ZNF572: variants seen among roughly 807,000 people sequenced by gnomAD.
ZNF572 encodes the protein zinc finger protein 572.
A neutral mutation model predicts 3.8 loss-of-function variants in ZNF572; 2 were observed. That is an observed-to-expected ratio of 0.52 (90% CI 0.21 to 1.65). The LOEUF (loss-of-function observed/expected upper bound fraction) is 1.65, where lower values mean the gene tolerates loss of function less well. ZNF572 is among the 40% of genes most tolerant of loss of function. The pLI, the probability that ZNF572 is intolerant of heterozygous loss-of-function variation, is 0.20. For synonymous variants in ZNF572, 187 were observed against 204.5 expected, an observed-to-expected ratio of 0.91 and a Z score of 0.73; for missense variants, 581 against 633.4, an observed-to-expected ratio of 0.92 and a Z score of 0.89.
In ZNF572 at chr8:124,976,894, C is replaced by T. The variant is rs767264364; in HGVS notation, c.626C>T (p.Thr209Ile). Residue 209 changes from threonine (T) to isoleucine (I), a missense_variant, in exon 3 of 3, where the codon ACT becomes ATT. Transcript: ENST00000319286. ...NTSHLIIHER[T>I]HTGEKPYKCP... Reference sequence around the variant, plus strand: ...TCCCATCTTATTATCCATGAGAGAACTCACACGGGAGAGAAACCCTACAAA... The same window carrying T: ...TCCCATCTTATTATCCATGAGAGAATTCACACGGGAGAGAAACCCTACAAA... The T allele has an allele frequency of 4.3e-6, 7 of 1,613,624 alleles. No individual in the cohort carries two copies. The Admixed American group carries it at 6.7e-5, about 15-fold the overall frequency.
chr8:124,975,674 T>C lies in ZNF572; in HGVS notation c.34T>C (p.Ser12Pro), dbSNP rs764519431. ...AGAAAAAAAACTGTTGGTCTCAGAT[T>C]CTAACAGCTTTATGGAGAGGGAGAG... ...EQEKKLLVSD[S>P]NSFMERESLK... Residue 12 changes from serine to proline, a missense_variant, in exon 2 of 3, where the codon TCT (serine) becomes CCT (proline). Physicochemically the swap from Ser to Pro is moderately conservative, Grantham distance 74. Coordinates refer to ENST00000319286, the MANE Select transcript of ZNF572 (RefSeq NM_152412.3). The C allele has an allele frequency of 1.9e-6, 3 of 1,613,988 alleles. No individual in the cohort carries two copies. Among genetic ancestry groups the C allele is most frequent in the East Asian group, 4.5e-5 (2 of 44,836 alleles).
At position 124,977,385 on chromosome 8, in the gene ZNF572, G is replaced by A. The variant is rs765989836; in HGVS notation, c.1117G>A (p.Glu373Lys). 1.2e-6 allele frequency: 2 copies of A among 1,614,204 alleles called. No individual in the cohort carries two copies. Among genetic ancestry groups the A allele is most frequent in the African/African-American group, 1.3e-5 (1 of 75,066 alleles). The part of the protein sequence containing the change: ...ESLGQNCNVI[E>K]ECRIQLGEKP... ...TTTGGGTCAGAACTGCAATGTGATA[G>A]AAGAATGCAGAATCCAGTTAGGAGA... Residue 373 changes from glutamate to lysine, a missense_variant, in exon 3 of 3, where the codon GAA (glutamate) becomes AAA (lysine). By Grantham distance (56) the Glu-to-Lys change is moderately conservative. Coordinates refer to ENST00000319286, the MANE Select transcript of ZNF572 (RefSeq NM_152412.3).
Position 124,976,416 on chromosome 8 carries a change from A to G in ZNF572, c.148A>G (p.Lys50Glu). 1.2e-6 allele frequency: 2 copies of G among 1,612,718 alleles called. No homozygotes were observed. Among genetic ancestry groups the G allele is most frequent in the Non-Finnish European group, 1.7e-6 (2 of 1,179,524 alleles). The part of the protein sequence containing the change: ...NNSKADKLKE[K>E]PSEWSKRHRP... ...TTCTAAGGCAGATAAACTTAAAGAG[A>G]AACCTTCAGAATGGTCTAAAAGACA... The change falls in exon 3 of 3, where the codon AAA becomes GAA. Residue 50 changes from lysine to glutamate, a missense_variant. By Grantham distance (56) the Lys-to-Glu change is moderately conservative. Coordinates refer to ENST00000319286, the MANE Select transcript of ZNF572 (RefSeq NM_152412.3).
chr8:124,976,703 T>TC lies in ZNF572; in HGVS notation c.436dup (p.His146ProfsTer16). On this transcript the variant is annotated frameshift_variant, in exon 3 of 3. Transcript: ENST00000319286. LOFTEE classifies it low-confidence loss of function (END_TRUNC). ...GTTGGAAAAGCTTCAGTAATAGTTC[T>TC]CATTTGCGTACTCACCAGAGGACCC... is the stretch of plus-strand genomic sequence containing the variant. 6.2e-7 allele frequency: 1 copy of TC among 1,614,200 alleles called. No homozygotes were observed. Among genetic ancestry groups the TC allele is most frequent in the Non-Finnish European group, 8.5e-7 (1 of 1,180,014 alleles).
rs755795239 is a variant in ZNF572 at position 124,977,383 on chromosome 8, T to C, written c.1115T>C (p.Ile372Thr). 1.9e-6 allele frequency: 3 copies of C among 1,614,164 alleles called. No individual in the cohort carries two copies. In the Admixed American group the frequency reaches 5.0e-5, roughly 27 times the overall value. ...AGTTTGGGTCAGAACTGCAATGTGA[T>C]AGAAGAATGCAGAATCCAGTTAGGA... ...EESLGQNCNV[I>T]EECRIQLGEK... Residue 372 changes from isoleucine (I) to threonine (T), a missense_variant, in exon 3 of 3, where the codon ATA (isoleucine) becomes ACA (threonine). Coordinates refer to ENST00000319286, the MANE Select transcript of ZNF572 (RefSeq NM_152412.3).
In ZNF572 at chr8:124,978,337, C is replaced by G. The variant is rs1348653186; in HGVS notation, c.*479C>G. ...TTTTTTTTTCAAATGCATTTTTAGT[C>G]ACTAAAAATTAACTGTCGTACCATC... On this transcript the variant is annotated 3_prime_UTR_variant, in exon 3 of 3. Transcript: ENST00000319286. 6.4e-6 allele frequency: 1 copy of G among 156,032 alleles called. No homozygotes were observed. The highest frequency in any genetic ancestry group is 6.3e-5 in the Admixed American group (1 of 15,954). 9.7% of individuals were successfully genotyped at this position (156,032 alleles called of 1,614,324 possible).
At position 124,978,010 on chromosome 8, in the gene ZNF572, C is replaced by A; in HGVS notation, c.*152C>A. ...TCCCAGTTTAAAGGATGGGAAGACC[C>A]CAATCACCAGGTTATTGGATCTGTC... is the stretch of plus-strand genomic sequence containing the variant. On this transcript the variant is annotated 3_prime_UTR_variant, in exon 3 of 3. Transcript: ENST00000319286. 1 of 787,196 alleles carries A rather than the reference C, an allele frequency of 1.3e-6. No individual in the cohort carries two copies. The highest frequency in any genetic ancestry group is 1.9e-6 in the Non-Finnish European group (1 of 514,654). 48.8% of individuals were successfully genotyped at this position (787,196 alleles called of 1,614,324 possible). A position where few individuals can be genotyped will look rare whatever the true frequency, so the allele number is the denominator to read the frequency against.
Position 124,977,152 on chromosome 8 carries a change from C to A in ZNF572, c.884C>A (p.Thr295Lys). The part of the protein sequence containing the change: ...SSLIRHQRTH[T>K]GEKPYKCLEC... Reference sequence around the variant, plus strand: ...CTCATTCGCCACCAGCGGACACACACAGGTGAGAAGCCCTACAAATGTCTT... The same window carrying A: ...CTCATTCGCCACCAGCGGACACACAAAGGTGAGAAGCCCTACAAATGTCTT... Residue 295 changes from threonine to lysine, a missense_variant, in exon 3 of 3, where the codon ACA becomes AAA. Transcript: ENST00000319286. The A allele has an allele frequency of 1.9e-6, 3 of 1,609,218 alleles. No homozygotes were observed. Among genetic ancestry groups the A allele is most frequent in the Non-Finnish European group, 2.5e-6 (3 of 1,179,996 alleles).
chr8:124,977,923 G>A lies in ZNF572; in HGVS notation c.*65G>A, dbSNP rs184178292. ...TGGACCATGACAATTTAGGTATTCT[G>A]TGATTGTTGTGCTATAAAGTTTCTT... On this transcript the variant is annotated 3_prime_UTR_variant, in exon 3 of 3. Coordinates refer to ENST00000319286, the MANE Select transcript of ZNF572 (RefSeq NM_152412.3). 48 of 1,470,442 alleles carry A rather than the reference G, an allele frequency of 3.3e-5. No homozygotes were observed. In the East Asian group the frequency reaches 1.1e-3, roughly 33 times the overall value. The allele number at this position is 1,470,442 out of a possible 1,614,324, so 91.1% of individuals were successfully genotyped here.
Position 124,976,371 on chromosome 8 carries a change from G to A in ZNF572, c.103G>A (p.Glu35Lys). The A allele has an allele frequency of 6.3e-7, 1 of 1,589,830 alleles. No homozygotes were observed. Among genetic ancestry groups the A allele is most frequent in the South Asian group, 1.2e-5 (1 of 86,928 alleles). The change falls in exon 3 of 3, where the codon GAA becomes AAA. Residue 35 changes from glutamate to lysine, a missense_variant. Transcript: ENST00000319286. Reference protein sequence around the residue: ...FTGDTSMNNLETVHHNNSKAD... With the variant: ...FTGDTSMNNLKTVHHNNSKAD... ...AGGAGATACAAGTATGAATAATTTGGAAACTGTTCACCACAATAATTCTAA... is the reference window on the plus strand; with the variant it reads ...AGGAGATACAAGTATGAATAATTTGAAAACTGTTCACCACAATAATTCTAA...
chr8:124,977,566 C>T lies in ZNF572; in HGVS notation c.1298C>T (p.Thr433Ile). 1 of 1,614,166 alleles carries T rather than the reference C, an allele frequency of 6.2e-7. No individual in the cohort carries two copies. Among genetic ancestry groups the T allele is most frequent in the Non-Finnish European group, 8.5e-7 (1 of 1,180,034 alleles). Residue 433 changes from threonine to isoleucine, a missense_variant, in exon 3 of 3, where the codon ACA becomes ATA. Thr to Ile is a moderately conservative substitution (Grantham distance 89). Coordinates refer to ENST00000319286, the MANE Select transcript of ZNF572 (RefSeq NM_152412.3). ...TCCACCCTGGTGATTCACCAAAGGA[C>T]ACATACAGGAGAGAAACCTTATAAA... ...QSSTLVIHQRTHTGEKPYKCP... is the reference protein window; with the variant it reads ...QSSTLVIHQRIHTGEKPYKCP...
chr8:124,977,978 G>A lies in ZNF572; in HGVS notation c.*120G>A, dbSNP rs1470159108. 8.7e-7 allele frequency: 1 copy of A among 1,151,516 alleles called. No homozygotes were observed. Among genetic ancestry groups the A allele is most frequent in the African/African-American group, 1.6e-5 (1 of 64,148 alleles). 71.3% of individuals were successfully genotyped at this position (1,151,516 alleles called of 1,614,324 possible). ...GTGTTTGTCAAAACATTTGGAAAAA[G>A]TCAACCTCCCAGTTTAAAGGATGGG... On this transcript the variant is annotated 3_prime_UTR_variant, in exon 3 of 3. Coordinates refer to ENST00000319286, the MANE Select transcript of ZNF572 (RefSeq NM_152412.3).
chr8:124,977,651 C>G lies in ZNF572; in HGVS notation c.1383C>G (p.Thr461=), dbSNP rs376593608. 5.0e-6 allele frequency: 8 copies of G among 1,614,150 alleles called. No individual in the cohort carries two copies. In the African/African-American group the frequency reaches 8.0e-5, roughly 16 times the overall value. ...TTAACCTTATCAGGCACCGGAGGACCCACATAGGGGAAAAACCTTACAAAT... is the reference window on the plus strand; with the variant it reads ...TTAACCTTATCAGGCACCGGAGGACGCACATAGGGGAAAAACCTTACAAAT... ...QSFNLIRHRR[T]HIGEKPYKCT... is the part of the protein sequence containing the mutation. Residue 461 remains threonine, a synonymous_variant, in exon 3 of 3, where the codon ACC becomes ACG. Transcript: ENST00000319286.
rs1260450642 is a variant in ZNF572, at chr8:124,978,037, A to G, written c.*179A>G. ...AATCACCAGGTTATTGGATCTGTCC[A>G]GTGAGAGATTCATCCACCAAGGATG... is the stretch of plus-strand genomic sequence containing the variant. On this transcript the variant is annotated 3_prime_UTR_variant, in exon 3 of 3. Coordinates refer to ENST00000319286, the MANE Select transcript of ZNF572 (RefSeq NM_152412.3). 4.9e-6 allele frequency: 3 copies of G among 609,316 alleles called. No individual in the cohort carries two copies. In the African/African-American group the frequency reaches 5.6e-5, roughly 11 times the overall value. The allele number at this position is 609,316 out of a possible 1,614,324, so 37.7% of individuals were successfully genotyped here.
chr8:124,978,020 G>T lies in ZNF572; in HGVS notation c.*162G>T, dbSNP rs566017006. The T allele has an allele frequency of 6.8e-6, 5 of 730,088 alleles. No homozygotes were observed. In the East Asian group the frequency reaches 1.4e-4, roughly 20 times the overall value. 45.2% of individuals were successfully genotyped at this position (730,088 alleles called of 1,614,324 possible). On this transcript the variant is annotated 3_prime_UTR_variant, in exon 3 of 3. Coordinates refer to ENST00000319286, the MANE Select transcript of ZNF572 (RefSeq NM_152412.3). ...AAGGATGGGAAGACCCCAATCACCA[G>T]GTTATTGGATCTGTCCAGTGAGAGA...
chr8:124,978,036 C>A lies in ZNF572; in HGVS notation c.*178C>A. On this transcript the variant is annotated 3_prime_UTR_variant, in exon 3 of 3. Transcript: ENST00000319286. ...CAATCACCAGGTTATTGGATCTGTC[C>A]AGTGAGAGATTCATCCACCAAGGAT... 1 of 616,948 alleles carries A rather than the reference C, an allele frequency of 1.6e-6. No individual in the cohort carries two copies. Among genetic ancestry groups the A allele is most frequent in the Non-Finnish European group, 2.6e-6 (1 of 378,954 alleles). The allele number at this position is 616,948 out of a possible 1,614,324, so 38.2% of individuals were successfully genotyped here.
intron 1 of ZNF572, 122 bp downstream of exon 1, chr8:124,973,538 C>A (rs1814461534): frequency 6.6e-6 from 1 of 152,294 alleles, no homozygotes; most frequent in South Asian, 2.1e-4. Context: ...GGCGAAGGCC[C>A]AGCATCTCCC....
rs1167132925 is a variant in ZNF572, at chr8:124,975,640, G to A, written c.-1G>A. The A allele has an allele frequency of 6.2e-7, 1 of 1,613,490 alleles. No individual in the cohort carries two copies. Among genetic ancestry groups the A allele is most frequent in the South Asian group, 1.1e-5 (1 of 91,072 alleles). ...TCTCTAACTTGGCTGTGATCATTGT[G>A]ATGGAGCAAGAAAAAAAACTGTTGG... On this transcript the variant is annotated 5_prime_UTR_variant, in exon 2 of 3. Transcript: ENST00000319286.
Position 124,978,010 on chromosome 8 carries a change from C to G in ZNF572, c.*152C>G. 1 of 787,196 alleles carries G rather than the reference C, an allele frequency of 1.3e-6. No homozygotes were observed. Among genetic ancestry groups the G allele is most frequent in the East Asian group, 2.7e-5 (1 of 36,652 alleles). 48.8% of individuals were successfully genotyped at this position (787,196 alleles called of 1,614,324 possible). A position where few individuals can be genotyped will look rare whatever the true frequency, so the allele number is the denominator to read the frequency against. On this transcript the variant is annotated 3_prime_UTR_variant, in exon 3 of 3. Coordinates refer to ENST00000319286, the MANE Select transcript of ZNF572 (RefSeq NM_152412.3). The stretch of plus-strand genomic sequence containing the variant: ...TCCCAGTTTAAAGGATGGGAAGACC[C>G]CAATCACCAGGTTATTGGATCTGTC...
Sources: allele counts gnomAD v4.1 joint callset, GRCh38; gene constraint gnomAD v4.1.1; transcripts MANE v1.5; gene names NCBI Gene and HGNC (gene_info 2026-07-23, HGNC 2026-07-21).